KLF8: variants seen among roughly 807,000 people sequenced by gnomAD.
The protein encoded by KLF8 is Krueppel-like factor 8.
In KLF8, 10 loss-of-function variants were observed where a neutral mutation model predicts 18.2. The ratio of observed to expected loss-of-function variants is 0.55; its 90% CI spans 0.34 to 0.93. The LOEUF is 0.93. Among genes scored for constraint, KLF8 ranks in the 40% least tolerant of loss-of-function variants. The pLI, the probability that KLF8 is intolerant of heterozygous loss-of-function variation, is 0.02. For synonymous variants in KLF8, 109 were observed against 97.3 expected, an observed-to-expected ratio of 1.12 and a Z score of -0.71; for missense variants, 264 against 277.9, an observed-to-expected ratio of 0.95 and a Z score of 0.36.
the KLF8 span, among the ~76,000 whole-genome samples, chrX:55,944,425 C>A: frequency 2.7e-5 from 3 of 110,128 alleles, no homozygotes; most frequent in East Asian, 8.5e-4. Context: ...CCTCCTTGTA[C>A]CTCTGGTAGA....
the KLF8 span, among the ~76,000 whole-genome samples, chrX:55,971,147 A>C: frequency 1.8e-5 from 2 of 111,814 alleles, no homozygotes; most frequent in African/African-American, 6.5e-5. Context: ...GAATCACACT[A>C]CCATACTTAA....
At chrX:55,979,036 T>A in the KLF8 span, among the ~76,000 whole-genome samples, 2 of 110,959 alleles carry the variant, frequency 1.8e-5, no homozygotes, top group Non-Finnish European at 3.8e-5. Context: ...ATGATATAAT[T>A]TGGCTTAGTT....
the KLF8 span, among the ~76,000 whole-genome samples, chrX:56,002,386 A>G: frequency 1.2e-4 from 13 of 106,159 alleles, no homozygotes; most frequent in South Asian, 5.6e-3. Flanking sequence ...TTTGTAGCAC[A>G]CAGAAAATTG....
At chrX:55,939,307 A>C in the KLF8 span, among the ~76,000 whole-genome samples, 1 of 111,978 alleles carries the variant, frequency 8.9e-6, no homozygotes, top group East Asian at 2.8e-4. Context: ...GGCAGAAATA[A>C]AGATGTTCTT....
chrX:55,972,205 A>G, the KLF8 span, among the ~76,000 whole-genome samples: 1 of 112,090 alleles, frequency 8.9e-6, no homozygotes, highest in Non-Finnish European at 1.9e-5. Context: ...TGTATCATTC[A>G]GCCATAAAAA....
At chrX:56,016,612 T>G in the KLF8 span, among the ~76,000 whole-genome samples, 2 of 111,702 alleles carry the variant, frequency 1.8e-5, no homozygotes, top group Non-Finnish European at 3.8e-5. Flanking sequence ...TTATAAGAAC[T>G]ATTATTATCC....
At chrX:56,191,353 C>G in the KLF8 span, among the ~76,000 whole-genome samples, 5 of 111,788 alleles carry the variant, frequency 4.5e-5, no homozygotes, top group Non-Finnish European at 9.4e-5. Context: ...GGACCTGATA[C>G]ATTCACAGCT....
the KLF8 span, among the ~76,000 whole-genome samples, chrX:56,133,922 C>CA: frequency 0.051 from 5,094 of 99,084 alleles, 310 homozygotes; most frequent in African/African-American, 0.17. Flanking sequence ...ACAATATCTG[C>CA]AAAAAAAAAA....
chrX:56,154,126 C>G, the KLF8 span, among the ~76,000 whole-genome samples: 1 of 111,203 alleles, frequency 9.0e-6, no homozygotes, highest in Non-Finnish European at 1.9e-5. Flanking sequence ...ATCGCCAAGT[C>G]AATCCTAAGC....
chrX:56,116,764 A>G, the KLF8 span, among the ~76,000 whole-genome samples: 1 of 107,124 alleles, frequency 9.3e-6, no homozygotes, highest in Admixed American at 1.0e-4. Context: ...TTTAAGATCT[A>G]CCCTCTTAGC....
the KLF8 span, among the ~76,000 whole-genome samples, chrX:56,028,879 T>A: frequency 1.8e-5 from 2 of 110,997 alleles, no homozygotes; most frequent in Admixed American, 1.9e-4. Flanking sequence ...AACTGTTGGG[T>A]GCAGAGTCAC....
chrX:55,936,948 G>T, the KLF8 span, among the ~76,000 whole-genome samples: 7 of 112,205 alleles, frequency 6.2e-5, no homozygotes, highest in African/African-American at 2.3e-4. Context: ...ACCTCTGGGG[G>T]CAGGGCACAG....
the KLF8 span, among the ~76,000 whole-genome samples, chrX:56,034,727 G>A: frequency 6.0e-5 from 6 of 100,679 alleles, no homozygotes; most frequent in East Asian, 1.5e-3. Flanking sequence ...TCTTACAATG[G>A]TATAGAACAC....
At chrX:55,945,243 A>G in the KLF8 span, among the ~76,000 whole-genome samples, 1 of 110,575 alleles carries the variant, frequency 9.0e-6, no homozygotes, top group Non-Finnish European at 1.9e-5. Flanking sequence ...GGAGAGCTTT[A>G]CTTCCAACTA....
chrX:56,170,218 G>T, the KLF8 span, among the ~76,000 whole-genome samples: 1 of 109,348 alleles, frequency 9.1e-6, no homozygotes, highest in Non-Finnish European at 1.9e-5. Context: ...AAGCAGGAAG[G>T]GTATAAACAA....
chrX:56,111,736 C>T, the KLF8 span, among the ~76,000 whole-genome samples: 1 of 112,149 alleles, frequency 8.9e-6, no homozygotes, highest in Non-Finnish European at 1.9e-5. Context: ...AAAAAAAGCT[C>T]ATCATCACTC....
the KLF8 span, among the ~76,000 whole-genome samples, chrX:56,081,913 A>G: frequency 8.9e-6 from 1 of 111,780 alleles, no homozygotes; most frequent in African/African-American, 3.2e-5. Flanking sequence ...ATTTATCAAT[A>G]GTTTTTGTGG....
chrX:56,161,215 G>A, the KLF8 span, among the ~76,000 whole-genome samples: 1 of 111,216 alleles, frequency 9.0e-6, no homozygotes, highest in Non-Finnish European at 1.9e-5. Context: ...CTGAATATTG[G>A]CCCCCACTCT....
chrX:55,958,239 G>A, the KLF8 span, among the ~76,000 whole-genome samples: 2 of 111,714 alleles, frequency 1.8e-5, no homozygotes, highest in East Asian at 5.6e-4. Context: ...CCATGGAATA[G>A]GACTATTTAA....
Sources: allele counts gnomAD v4.1 joint callset (sites outside exome capture counted in the v4.1 genomes callset), GRCh38; gene constraint gnomAD v4.1.1; transcripts MANE v1.5; gene names NCBI Gene and HGNC (gene_info 2026-07-23, HGNC 2026-07-21).